The following CEP128 variants were observed in gnomAD, a reference collection of about 807,000 sequenced individuals.
CEP128 encodes centrosomal protein 128.
A neutral mutation model predicts 156.7 loss-of-function variants in CEP128; 132 were observed. That is an observed-to-expected ratio of 0.84 (90% confidence interval 0.73 to 0.97). The LOEUF is 0.97. CEP128 is among the 50% of genes least tolerant of loss of function. The pLI is 0.00. For missense variants in CEP128, 1,252 were observed against 1,281.9 expected, an observed-to-expected ratio of 0.98 and a Z score of 0.36; for synonymous variants, 469 against 448.9, an observed-to-expected ratio of 1.04 and a Z score of -0.57.
intron 19 of CEP128, among the ~76,000 whole-genome samples, chr14:80,685,893 C>T (rs980740013): frequency 6.6e-6 from 1 of 152,156 alleles, no homozygotes; most frequent in African/African-American, 2.4e-5. Flanking sequence ...GCTGGAACAG[C>T]TAGCTAGGCC....
chr14:80,504,453 T>C (rs1283356708), intron 24 of CEP128, among the ~76,000 whole-genome samples: 1 of 152,212 alleles, frequency 6.6e-6, no homozygotes, highest in African/African-American at 2.4e-5. Flanking sequence ...GACTCATACA[T>C]TGTTGATATT....
chr14:80,538,478 A>G (rs1439289893), intron 21 of CEP128, among the ~76,000 whole-genome samples: 1 of 152,106 alleles, frequency 6.6e-6, no homozygotes. Context: ...ATCTTCAAGC[A>G]TACAGGAAAT....
intron 16 of CEP128, among the ~76,000 whole-genome samples, chr14:80,767,138 T>C (rs78590907): frequency 0.065 from 9,913 of 152,122 alleles, 350 homozygotes; most frequent in Non-Finnish European, 0.075. Flanking sequence ...TTGACTCAGC[T>C]GCAAAGAAGT....
Position 80,497,031 on chromosome 14 carries a change from T to G in CEP128, c.*448A>C. 1.6e-5 allele frequency: 1 copy of G among 61,966 alleles called. No individual in the cohort carries two copies. Among genetic ancestry groups the G allele is most frequent in the Non-Finnish European group, 5.1e-5 (1 of 19,580 alleles). The allele number at this position is 61,966 out of a possible 1,614,324, so 3.8% of individuals were successfully genotyped here. The stretch of plus-strand genomic sequence containing the variant: ...CATGTTATAACACATGATAATTTAT[T>G]AGGGAGAAAATTTTTCAAAAAATCA... On this transcript the variant is annotated 3_prime_UTR_variant, in exon 25 of 25. Transcript: ENST00000555265.
At chr14:80,809,762 C>A (rs1014273065) in intron 13 of CEP128, among the ~76,000 whole-genome samples, 1 of 151,712 alleles carries the variant, frequency 6.6e-6, no homozygotes, top group Admixed American at 6.6e-5. Flanking sequence ...TATTATTTTT[C>A]ATATATAAAA....
intron 7 of CEP128, among the ~76,000 whole-genome samples, chr14:80,896,454 C>T (rs1180487357): frequency 5.3e-5 from 8 of 152,156 alleles, no homozygotes; most frequent in Non-Finnish European, 1.0e-4. Flanking sequence ...TCATGTTCAA[C>T]TCGAGACATT....
chr14:80,948,256 T>TA (rs978225479), intron 2 of CEP128, among the ~76,000 whole-genome samples: 10 of 152,260 alleles, frequency 6.6e-5, no homozygotes, highest in Non-Finnish European at 8.8e-5. Context: ...AGAGTCAAGA[T>TA]AAAAAAACAA....
intron 19 of CEP128, among the ~76,000 whole-genome samples, chr14:80,625,330 A>T (rs748847117): frequency 8.5e-5 from 13 of 152,132 alleles, no homozygotes; most frequent in Admixed American, 2.6e-4. Flanking sequence ...TACCAATATC[A>T]CATTATTTTG....
intron 19 of CEP128, among the ~76,000 whole-genome samples, chr14:80,706,225 G>A (rs1392765612): frequency 6.6e-6 from 1 of 151,958 alleles, no homozygotes; most frequent in Non-Finnish European, 1.5e-5. Context: ...TAATCTACCT[G>A]TTTTCAAAAT....
chr14:80,895,496 C>A (rs1343042096), intron 8 of CEP128, among the ~76,000 whole-genome samples: 1 of 151,890 alleles, frequency 6.6e-6, no homozygotes, highest in Non-Finnish European at 1.5e-5. Flanking sequence ...TAATATAAAT[C>A]CCTAAATATA....
intron 9 of CEP128, among the ~76,000 whole-genome samples, chr14:80,848,850 A>C (rs765938165): frequency 2.0e-5 from 3 of 151,892 alleles, no homozygotes; most frequent in Non-Finnish European, 2.9e-5. Flanking sequence ...TGAACCCAGG[A>C]GGTGGTGGCT....
At chr14:80,518,360 C>G (rs1888589424) in intron 23 of CEP128, among the ~76,000 whole-genome samples, 1 of 151,900 alleles carries the variant, frequency 6.6e-6, no homozygotes, top group Non-Finnish European at 1.5e-5. Flanking sequence ...GGAAATCCAG[C>G]TAGCCCTGTC....
chr14:80,519,887 G>C (rs1888657345), intron 23 of CEP128, among the ~76,000 whole-genome samples: 1 of 152,084 alleles, frequency 6.6e-6, no homozygotes, highest in Admixed American at 6.6e-5. Flanking sequence ...TGACCAAAGT[G>C]CAGAAATTAA....
chr14:80,672,043 T>C (rs560726702), intron 19 of CEP128, among the ~76,000 whole-genome samples: 1 of 152,202 alleles, frequency 6.6e-6, no homozygotes, highest in South Asian at 2.1e-4. Flanking sequence ...ATGACACATA[T>C]AAATTCTGAC....
At chr14:80,850,290 TAC>T (rs1886825541) in intron 9 of CEP128, among the ~76,000 whole-genome samples, 1 of 152,158 alleles carries the variant, frequency 6.6e-6, no homozygotes. Flanking sequence ...TAGTGCCAAG[TAC>T]ACTTTCAGAA....
chr14:80,954,301 G>C (rs1320159517), intron 2 of CEP128, among the ~76,000 whole-genome samples: 2 of 152,002 alleles, frequency 1.3e-5, no homozygotes. Context: ...GAAAATTTGT[G>C]CATGTTGTAT....
Position 80,785,051 on chromosome 14 carries a change from C to A in CEP128, c.2055G>T (p.Gln685His), listed in dbSNP as rs1395432816. The change falls in exon 15 of 25, where the codon CAG becomes CAT. Residue 685 changes from glutamine to histidine, a missense_variant. Physicochemically the swap from Gln to His is conservative, Grantham distance 24. Transcript: ENST00000555265. ...GGTGCACATCTCGTTCCAGCTTTAA[C>A]TGTGTGATGATTGTAGCTGTTTCTT... Reference protein sequence around the residue: ...RDEETATIITQLKLERDVHQR... With the variant: ...RDEETATIITHLKLERDVHQR... 3.7e-6 allele frequency: 6 copies of A among 1,614,062 alleles called. No individual in the cohort carries two copies. In the Admixed American group the frequency reaches 1.0e-4, roughly 27 times the overall value.
At chr14:80,837,087 G>A (rs1244634673) in intron 11 of CEP128, among the ~76,000 whole-genome samples, 2 of 152,186 alleles carry the variant, frequency 1.3e-5, no homozygotes, top group Non-Finnish European at 2.9e-5. Context: ...ACTGGCTGCA[G>A]AACAAAGTCA....
intron 19 of CEP128, among the ~76,000 whole-genome samples, chr14:80,622,728 T>C (rs918328246): frequency 1.9e-4 from 28 of 150,744 alleles, no homozygotes; most frequent in African/African-American, 4.9e-5. Context: ...TCACTGGCCA[T>C]CAGAGAAATG....
Sources: gnomAD v4.1 joint callset for allele counts (sites outside exome capture counted in the v4.1 genomes callset) on GRCh38, gnomAD v4.1.1 for gene constraint, MANE v1.5 for transcripts, NCBI Gene and HGNC (gene_info 2026-07-23, HGNC 2026-07-21) for gene names.